The following IPCEF1 variants were observed in gnomAD, a reference collection of about 807,000 sequenced individuals.
IPCEF1 encodes interaction protein for cytohesin exchange factors 1, also known as interactor protein for cytohesin exchange factors 1.
In IPCEF1, 31 loss-of-function variants were observed where a neutral mutation model predicts 50.9. The observed-to-expected ratio is 0.61, with a 90% CI of 0.46 to 0.82. The LOEUF (loss-of-function observed/expected upper bound fraction) is 0.82, where lower values mean the gene tolerates loss of function less well. Ranked by LOEUF, IPCEF1 falls within the 40% of genes least tolerant of loss-of-function variation. The pLI is 0.00. For missense variants in IPCEF1, 458 were observed against 514.0 expected (o/e 0.89, Z 1.05); for synonymous variants, 181 against 192.0 (o/e 0.94, Z 0.47).
chr6:154,352,982 G>C (rs1052641533), intron 1 of IPCEF1, among the ~76,000 whole-genome samples: 2 of 152,096 alleles, frequency 1.3e-5, no homozygotes, highest in Admixed American at 1.3e-4. Context: ...AGGTTTAGAC[G>C]CAGTTATAAG....
At chr6:154,301,958 T>A (rs961683662) in intron 1 of IPCEF1, among the ~76,000 whole-genome samples, 1 of 152,232 alleles carries the variant, frequency 6.6e-6, no homozygotes, top group Middle Eastern at 3.2e-3. Context: ...TTACGATGTG[T>A]TGGTTATGAC....
chr6:154,265,941 A>G lies in IPCEF1; in HGVS notation c.7T>C (p.Ser3Pro). 6.2e-7 allele frequency: 1 copy of G among 1,601,860 alleles called. No homozygotes were observed. The highest frequency in any genetic ancestry group is 1.1e-5 in the South Asian group (1 of 89,268). MT[S>P]YMAIDGSALQ... ...GCACTGCCATCAATAGCCATGTATG[A>G]TGTCATCTTAGTAGAAACAAAAGCT... The change falls in exon 3 of 12, where the codon TCA (serine) becomes CCA (proline). Residue 3 changes from serine to proline, a missense_variant. Transcript: ENST00000367220.
intron 2 of IPCEF1, among the ~76,000 whole-genome samples, chr6:154,282,650 G>A (rs1782252663): frequency 6.6e-6 from 1 of 152,126 alleles, no homozygotes; most frequent in Admixed American, 6.5e-5. Context: ...TAGCACCACT[G>A]CAGTCTGGCC....
At chr6:154,277,634 T>C (rs562381361) in intron 2 of IPCEF1, among the ~76,000 whole-genome samples, 4 of 152,330 alleles carry the variant, frequency 2.6e-5, no homozygotes, top group Admixed American at 2.6e-4. Context: ...ATTGGCTCTT[T>C]TATTGGTTGT....
At chr6:154,348,933 T>C (rs994853891) in intron 1 of IPCEF1, among the ~76,000 whole-genome samples, 3 of 152,178 alleles carry the variant, frequency 2.0e-5, no homozygotes, top group African/African-American at 7.2e-5. Flanking sequence ...TCAAACAGAA[T>C]AATCATAAAC....
chr6:154,220,329 T>C (rs1300266915), intron 7 of IPCEF1, among the ~76,000 whole-genome samples: 2 of 152,124 alleles, frequency 1.3e-5, no homozygotes, highest in African/African-American at 4.8e-5. Context: ...CCCTCTGATA[T>C]CTCCAATCAG....
chr6:154,202,803 T>TAGGCACC (rs1777176365), intron 9 of IPCEF1, among the ~76,000 whole-genome samples: 1 of 152,072 alleles, frequency 6.6e-6, no homozygotes, highest in Non-Finnish European at 1.5e-5. Context: ...CCATTTTCTC[T>TAGGCACC]AGGCACCAGG....
chr6:154,224,568 G>T (rs1431837428), intron 5 of IPCEF1, among the ~76,000 whole-genome samples: 1 of 152,044 alleles, frequency 6.6e-6, no homozygotes, highest in East Asian at 1.9e-4. Flanking sequence ...AATATTAGCT[G>T]GTCATGGTGG....
intron 5 of IPCEF1, among the ~76,000 whole-genome samples, chr6:154,237,437 A>T (rs1171253387): frequency 6.6e-6 from 1 of 152,142 alleles, no homozygotes; most frequent in Admixed American, 6.5e-5. Context: ...ACTGAGAAAA[A>T]CCATTCCTGG....
At chr6:154,198,429 G>T (rs930452946) in intron 10 of IPCEF1, among the ~76,000 whole-genome samples, 2 of 152,092 alleles carry the variant, frequency 1.3e-5, no homozygotes, top group African/African-American at 2.4e-5. Context: ...TGGTTTGCCA[G>T]ACTTTATTTA....
At chr6:154,186,158 G>T (rs1010661573) in intron 10 of IPCEF1, among the ~76,000 whole-genome samples, 1 of 152,200 alleles carries the variant, frequency 6.6e-6, no homozygotes, top group African/African-American at 2.4e-5. Flanking sequence ...CTCTGCTGAA[G>T]TCCAGACTCA....
intron 1 of IPCEF1, among the ~76,000 whole-genome samples, chr6:154,300,691 C>G (rs1361217662): frequency 6.6e-6 from 1 of 152,112 alleles, no homozygotes; most frequent in African/African-American, 2.4e-5. Flanking sequence ...CCGCCACCCC[C>G]CAAAAAACAT....
At chr6:154,194,323 C>G (rs1776408621) in intron 10 of IPCEF1, among the ~76,000 whole-genome samples, 1 of 152,018 alleles carries the variant, frequency 6.6e-6, no homozygotes, top group Non-Finnish European at 1.5e-5. Flanking sequence ...CACTTGAACG[C>G]AGGAGGCAGA....
chr6:154,290,670 C>G (rs1339404256), intron 1 of IPCEF1, among the ~76,000 whole-genome samples: 1 of 152,064 alleles, frequency 6.6e-6, no homozygotes, highest in African/African-American at 2.4e-5. Context: ...AAAGTTTTCT[C>G]TCATAGGAAA....
chr6:154,313,366 T>A (rs1783133059), intron 1 of IPCEF1, among the ~76,000 whole-genome samples: 1 of 151,088 alleles, frequency 6.6e-6, no homozygotes, highest in African/African-American at 2.4e-5. Context: ...GAGAGCAAGA[T>A]TCTGTCTCAA....
At chr6:154,310,888 A>G (rs1228995061) in intron 1 of IPCEF1, among the ~76,000 whole-genome samples, 1 of 152,194 alleles carries the variant, frequency 6.6e-6, no homozygotes, top group East Asian at 1.9e-4. Context: ...ATGGTGATCA[A>G]AGGGCACAGA....
intron 1 of IPCEF1, among the ~76,000 whole-genome samples, chr6:154,337,268 G>T (rs953708906): frequency 6.6e-6 from 1 of 152,140 alleles, no homozygotes; most frequent in African/African-American, 2.4e-5. Flanking sequence ...AAAGCGGAAA[G>T]AAAAAGGCTA....
At chr6:154,194,788 A>G (rs1342342764) in intron 10 of IPCEF1, among the ~76,000 whole-genome samples, 3 of 149,552 alleles carry the variant, frequency 2.0e-5, no homozygotes, top group African/African-American at 7.6e-5. Flanking sequence ...GACAACTCAT[A>G]GAGATCTTTA....
intron 5 of IPCEF1, among the ~76,000 whole-genome samples, chr6:154,228,401 G>T (rs1779439249): frequency 6.6e-6 from 1 of 152,132 alleles, no homozygotes; most frequent in Non-Finnish European, 1.5e-5. Flanking sequence ...CCTGCCAGAG[G>T]TATCAAACCC....
Sources: allele counts gnomAD v4.1 joint callset (sites outside exome capture counted in the v4.1 genomes callset), GRCh38; gene constraint gnomAD v4.1.1; transcripts MANE v1.5; gene names NCBI Gene and HGNC (gene_info 2026-07-23, HGNC 2026-07-21).